LRP1B: variants seen among roughly 807,000 people sequenced by gnomAD.
LRP1B encodes the protein low-density lipoprotein receptor-related protein 1B.
Under a neutral mutation model 556.6 loss-of-function variants are expected in LRP1B, and 217 were observed. That is an observed-to-expected ratio of 0.39 (90% CI 0.35 to 0.44). The LOEUF is 0.44. LRP1B is among the 20% of genes least tolerant of loss of function. The pLI, the probability that LRP1B is intolerant of heterozygous loss-of-function variation, is 1.00. For synonymous variants in LRP1B, 2,047 were observed against 1,865.8 expected, an observed-to-expected ratio of 1.10 and a Z score of -2.50; for missense variants, 5,053 against 5,620.8, an observed-to-expected ratio of 0.90 and a Z score of 3.23.
intron 3 of LRP1B, among the ~76,000 whole-genome samples, chr2:141,276,859 T>C (rs552739686): frequency 6.6e-6 from 1 of 152,258 alleles, no homozygotes; most frequent in Admixed American, 6.5e-5. Context: ...GGTTTCACCC[T>C]GTTAGCCAGG....
chr2:141,572,931 A>C (rs1453417096), intron 2 of LRP1B, among the ~76,000 whole-genome samples: 1 of 152,092 alleles, frequency 6.6e-6, no homozygotes, highest in African/African-American at 2.4e-5. Flanking sequence ...GCCCTAATAC[A>C]GGAGCACCCA....
chr2:141,243,356 G>A (rs1012487432), intron 5 of LRP1B, among the ~76,000 whole-genome samples: 2 of 151,940 alleles, frequency 1.3e-5, no homozygotes, highest in African/African-American at 4.8e-5. Context: ...GGTGGTTCGT[G>A]CCTGTGGTCT....
intron 2 of LRP1B, among the ~76,000 whole-genome samples, chr2:141,514,097 A>G (rs6707441): frequency 0.97 from 148,301 of 152,146 alleles, 72,388 homozygotes; most frequent in East Asian, 1. Context: ...CCCTGGTGAC[A>G]ACCTTACCTA....
Position 140,506,189 on chromosome 2 carries a change from A to T in LRP1B, c.8521+607T>A, listed in dbSNP as rs181696954. Among the ~76,000 whole-genome samples, 47 of 152,166 alleles carry T rather than the reference A, an allele frequency of 3.1e-4. 1 individual carries two copies. Among genetic ancestry groups the T allele is most frequent in the Admixed American group, 6.5e-4 (10 of 15,272 alleles). The stretch of plus-strand genomic sequence containing the variant: ...CAGCCATATACTGTCTTCAAATTTC[A>T]AGTATTTCAAAATACGTTAAACCAA... On this transcript the variant is annotated intron_variant, in intron 53 of 90. Coordinates refer to ENST00000389484, the MANE Select transcript of LRP1B (RefSeq NM_018557.3).
At chr2:140,464,189 T>C (rs1558900203) in intron 60 of LRP1B, among the ~76,000 whole-genome samples, 1 of 151,636 alleles carries the variant, frequency 6.6e-6, no homozygotes, top group East Asian at 1.9e-4. Flanking sequence ...GAGCAAGACT[T>C]GTCTCAAATA....
intron 32 of LRP1B, among the ~76,000 whole-genome samples, chr2:140,784,276 A>G (rs1689808656): frequency 6.6e-6 from 1 of 151,908 alleles, no homozygotes; most frequent in Non-Finnish European, 1.5e-5. Flanking sequence ...GCTGACATCC[A>G]GGTTTCTATG....
rs1474788617 is a variant in LRP1B, at chr2:140,701,765, A to G, written c.6383T>C (p.Val2128Ala). 1.2e-6 allele frequency: 2 copies of G among 1,612,942 alleles called. No homozygotes were observed. The highest frequency in any genetic ancestry group is 2.2e-5 in the South Asian group (2 of 91,050). Residue 2128 changes from valine (V) to alanine (A), a missense_variant, in exon 40 of 91, where the codon GTC (valine) becomes GCC (alanine). Val to Ala is a moderately conservative substitution (Grantham distance 64, BLOSUM62 0). Transcript: ENST00000389484. ...ETITMRTGLG[V>A]NLKEVKIFNR... ...AAATATTTTAACCTCCTTCAGGTTG[A>G]CTCCAAGGCCGGTTCTCATGGTTAT...
intron 84 of LRP1B, among the ~76,000 whole-genome samples, chr2:140,292,010 T>C (rs1683409441): frequency 1.3e-5 from 2 of 152,170 alleles, no homozygotes; most frequent in African/African-American, 4.8e-5. Context: ...TTCTAAGTGG[T>C]GTGAGATGGT....
At chr2:140,616,484 C>T (rs1456717144) in intron 41 of LRP1B, among the ~76,000 whole-genome samples, 5 of 140,562 alleles carry the variant, frequency 3.6e-5, no homozygotes, top group African/African-American at 5.2e-5. Flanking sequence ...GTGACTCAGT[C>T]TTTTTTTTTT....
chr2:141,102,308 T>A (rs10048632), intron 7 of LRP1B, among the ~76,000 whole-genome samples: 55,157 of 151,922 alleles, frequency 0.36, 10,483 homozygotes, highest in East Asian at 0.66. Flanking sequence ...TAACATAAAC[T>A]TGTATTTAGA....
intron 56 of LRP1B, among the ~76,000 whole-genome samples, chr2:140,494,931 C>T (rs558764601): frequency 4.7e-4 from 72 of 151,922 alleles, no homozygotes; most frequent in African/African-American, 1.7e-3. Context: ...CATTTTTTTG[C>T]CCATTTAACA....
At chr2:140,868,920 A>C (rs1460434239) in intron 25 of LRP1B, among the ~76,000 whole-genome samples, 1 of 152,070 alleles carries the variant, frequency 6.6e-6, no homozygotes, top group Non-Finnish European at 1.5e-5. Context: ...AGCAGCCAGA[A>C]ATGGGTCCCC....
chr2:140,715,461 T>G lies in LRP1B; in HGVS notation c.6023+512A>C, dbSNP rs1218913415. Among the ~76,000 whole-genome samples, 3 of 152,022 alleles carry G rather than the reference T, an allele frequency of 2.0e-5. No individual in the cohort carries two copies. In the East Asian group the frequency reaches 5.8e-4, roughly 29 times the overall value. On this transcript the variant is annotated intron_variant, in intron 37 of 90. Transcript: ENST00000389484. ...TTTTATATATATACATTTTGGGTACTCATGAAGCATCCAGATGAAAATGTC... is the reference window on the plus strand; with the variant it reads ...TTTTATATATATACATTTTGGGTACGCATGAAGCATCCAGATGAAAATGTC...
intron 27 of LRP1B, among the ~76,000 whole-genome samples, chr2:140,866,353 T>G (rs1692950975): frequency 6.6e-6 from 1 of 152,118 alleles, no homozygotes; most frequent in South Asian, 2.1e-4. Flanking sequence ...TTGCCTTATT[T>G]AAATTTAATC....
At chr2:141,270,607 A>G (rs1368393463) in intron 3 of LRP1B, among the ~76,000 whole-genome samples, 1 of 152,100 alleles carries the variant, frequency 6.6e-6, no homozygotes, top group Non-Finnish European at 1.5e-5. Context: ...TGCAGGCTTA[A>G]CAAAAAAGAA....
At chr2:141,976,814 A>C (rs1359312196) in intron 1 of LRP1B, among the ~76,000 whole-genome samples, 2 of 152,144 alleles carry the variant, frequency 1.3e-5, no homozygotes, top group Admixed American at 6.5e-5. Context: ...GAGAAGCTCA[A>C]GGACCTGGGG....
chr2:141,804,866 G>A (rs998288439), intron 2 of LRP1B, among the ~76,000 whole-genome samples: 6 of 152,014 alleles, frequency 3.9e-5, no homozygotes, highest in South Asian at 2.1e-4. Flanking sequence ...AAAGATATTC[G>A]TGGAAAAACT....
intron 3 of LRP1B, among the ~76,000 whole-genome samples, chr2:141,462,519 G>A (rs1261109430): frequency 6.6e-6 from 1 of 152,020 alleles, no homozygotes; most frequent in Non-Finnish European, 1.5e-5. Context: ...GGGAGGGAGA[G>A]CATTAGGACA....
intron 3 of LRP1B, among the ~76,000 whole-genome samples, chr2:141,275,176 C>T (rs1364011123): frequency 6.6e-6 from 1 of 152,020 alleles, no homozygotes; most frequent in East Asian, 1.9e-4. Flanking sequence ...GTTGTATCAC[C>T]AATAATTTTT....
Sources: allele counts gnomAD v4.1 joint callset (sites outside exome capture counted in the v4.1 genomes callset), GRCh38; gene constraint gnomAD v4.1.1; transcripts MANE v1.5; gene names NCBI Gene and HGNC (gene_info 2026-07-23, HGNC 2026-07-21).